CYP3A7: variants seen among roughly 807,000 people sequenced by gnomAD.
CYP3A7 encodes the protein cytochrome P450 3A7.
Under a neutral mutation model 55.2 loss-of-function variants are expected in CYP3A7, and 45 were observed. The observed-to-expected ratio is 0.82, with a 90% CI of 0.64 to 1.05. The LOEUF is 1.05. CYP3A7 is among the 50% of genes least tolerant of loss of function. The pLI, the probability that CYP3A7 is intolerant of heterozygous loss-of-function variation, is 0.00. For missense variants in CYP3A7, 548 were observed against 605.3 expected (o/e 0.91, Z 0.99); for synonymous variants, 180 against 207.4 (o/e 0.87, Z 1.13).
intron 2 of CYP3A7, among the ~76,000 whole-genome samples, chr7:99,725,309 C>G (rs1213465030): frequency 6.6e-6 from 1 of 152,112 alleles, no homozygotes; most frequent in Non-Finnish European, 1.5e-5. Context: ...AAAAAATCTC[C>G]AAAAATTGGA....
In CYP3A7 at chr7:99,735,133, T is replaced by C. The variant is rs111944950; in HGVS notation, c.-40A>G. 2 of 1,613,112 alleles carry C rather than the reference T, an allele frequency of 1.2e-6. No individual in the cohort carries two copies. Among genetic ancestry groups the C allele is most frequent in the South Asian group, 1.1e-5 (1 of 91,056 alleles). ...CTTATCTCTCTCCTCTGAGTCTTTT[T>C]TTCAGCAGCGTGCTGCTGTTTGCTG... is the stretch of plus-strand genomic sequence containing the variant. On this transcript the variant is annotated 5_prime_UTR_variant, in exon 1 of 13. Transcript: ENST00000336374.
intron 1 of CYP3A7, among the ~76,000 whole-genome samples, chr7:99,733,827 AG>A (rs1814722516): frequency 6.6e-6 from 1 of 152,214 alleles, no homozygotes; most frequent in Non-Finnish European, 1.5e-5. Flanking sequence ...TCTAGCCCTG[AG>A]AGTTTAGGAT....
At chr7:99,715,602 A>T in intron 7 of CYP3A7, 156 bp downstream of exon 7, 1 of 1,328,318 alleles carries the variant, frequency 7.5e-7, no homozygotes, top group Non-Finnish European at 1.0e-6. Context: ...GAAGTGTTTT[A>T]AAGTTTACAA....
intron 11 of CYP3A7, among the ~76,000 whole-genome samples, chr7:99,708,406 TTCTCC>T (rs536465696): frequency 9.1e-4 from 138 of 152,232 alleles, no homozygotes; most frequent in Non-Finnish European, 1.5e-3. Flanking sequence ...TGCACTTTCC[TTCTCC>T]TCTCGTCTCT....
At chr7:99,725,045 A>T (rs1814355526) in intron 2 of CYP3A7, among the ~76,000 whole-genome samples, 1 of 152,120 alleles carries the variant, frequency 6.6e-6, no homozygotes, top group Admixed American at 6.6e-5. Context: ...GCAGTACAAG[A>T]TGGACTCCCC....
chr7:99,714,365 A>G (rs1468457783), intron 8 of CYP3A7, among the ~76,000 whole-genome samples, 190 bp downstream of exon 8: 1 of 152,172 alleles, frequency 6.6e-6, no homozygotes, highest in African/African-American at 2.4e-5. Flanking sequence ...TCTCTGACTC[A>G]TTCTCATATC....
intron 10 of CYP3A7, among the ~76,000 whole-genome samples, chr7:99,709,607 T>A (rs1813667278): frequency 6.6e-6 from 1 of 152,076 alleles, no homozygotes; most frequent in African/African-American, 2.4e-5. Context: ...AAAGTGATTG[T>A]CACCATTCAA....
chr7:99,716,765 T>C (rs1813964698), intron 6 of CYP3A7, among the ~76,000 whole-genome samples: 1 of 152,188 alleles, frequency 6.6e-6, no homozygotes, highest in Non-Finnish European at 1.5e-5. Context: ...CATGAAATGA[T>C]CAAAGTTATT....
chr7:99,720,520 G>A (rs1307942133), intron 3 of CYP3A7, 108 bp from the exon 4 acceptor site: 4 of 1,197,110 alleles, frequency 3.3e-6, no homozygotes, highest in Admixed American at 1.8e-5. Context: ...TCCTCTAGAT[G>A]TACAATACAC....
rs1471943289 is a variant in CYP3A7 at position 99,731,124 on chromosome 7, T to TA, written c.99dup (p.Lys34Ter). On this transcript the variant is annotated frameshift_variant, in exon 2 of 13. Transcript: ENST00000336374. LOFTEE classifies it high-confidence loss of function. The stretch of plus-strand genomic sequence containing the variant: ...GTGGGCCCTGGAATTCCAAGCTTCT[T>TA]AAAAAGTCCATGTGTACGGGTTCCA... 12 of 1,613,840 alleles carry TA rather than the reference T, an allele frequency of 7.4e-6. No individual in the cohort carries two copies. Among genetic ancestry groups the TA allele is most frequent in the Non-Finnish European group, 1.0e-5 (12 of 1,179,822 alleles).
Position 99,709,259 on chromosome 7 carries a change from T to A in CYP3A7, c.1029A>T (p.Ala343=). ...GTAGCACAGTATCATAGGTGGGTGG[T>A]GCCTGAAAAGAAAGAAACAGATTTG... is the stretch of plus-strand genomic sequence containing the variant. ...KEIDTVLPNK[A]PPTYDTVLQL... The change falls in exon 11 of 13, where the codon GCA becomes GCT. Residue 343 remains alanine (A), a splice_region_variant and synonymous_variant. Transcript: ENST00000336374. 1 of 1,613,690 alleles carries A rather than the reference T, an allele frequency of 6.2e-7. No individual in the cohort carries two copies. The highest frequency in any genetic ancestry group is 8.5e-7 in the Non-Finnish European group (1 of 1,179,844).
chr7:99,710,927 G>C, intron 9 of CYP3A7, 35 bp from the exon 10 acceptor site: 1 of 1,613,142 alleles, frequency 6.2e-7, no homozygotes, highest in Non-Finnish European at 8.5e-7. Flanking sequence ...AGGTAAATCA[G>C]GTCAATGTAG....
At chr7:99,715,638 A>G in intron 7 of CYP3A7, 120 bp downstream of exon 7, 1 of 1,535,688 alleles carries the variant, frequency 6.5e-7, no homozygotes, top group Non-Finnish European at 9.0e-7. Flanking sequence ...ATATCTTCAA[A>G]TGTACTACAA....
chr7:99,722,633 T>C (rs930844878), intron 2 of CYP3A7, among the ~76,000 whole-genome samples: 4 of 152,242 alleles, frequency 2.6e-5, no homozygotes, highest in African/African-American at 7.2e-5. Flanking sequence ...TCTCTTTGCT[T>C]TTTCATGTGT....
chr7:99,715,256 A>G (rs913072378), intron 7 of CYP3A7: 5 of 178,128 alleles, frequency 2.8e-5, no homozygotes, highest in African/African-American at 1.2e-4. Flanking sequence ...CATGTTATTT[A>G]GCAAACAAGT....
chr7:99,729,203 T>C (rs1230575872), intron 2 of CYP3A7, among the ~76,000 whole-genome samples: 1 of 152,202 alleles, frequency 6.6e-6, no homozygotes, highest in East Asian at 1.9e-4. Flanking sequence ...GTGTCTTCAA[T>C]TGGTTTCTCA....
intron 10 of CYP3A7, 75 bp downstream of exon 10, chr7:99,710,657 T>C: frequency 1.9e-6 from 3 of 1,609,380 alleles, no homozygotes; most frequent in Admixed American, 3.4e-5. Flanking sequence ...ATAAAAATTC[T>C]CCTGGGAAGT....
chr7:99,720,471 A>C, intron 3 of CYP3A7, 59 bp from the exon 4 acceptor site: 1 of 1,596,568 alleles, frequency 6.3e-7, no homozygotes, highest in East Asian at 2.2e-5. Flanking sequence ...AGCTGGAGCC[A>C]AACCCAGGAA....
At chr7:99,707,382 C>T (rs1233307774) in intron 12 of CYP3A7, among the ~76,000 whole-genome samples, 4 of 152,136 alleles carry the variant, frequency 2.6e-5, no homozygotes, top group Admixed American at 1.3e-4. Flanking sequence ...TTTTAAAGCT[C>T]CCTGGTGATT....
Sources: allele counts gnomAD v4.1 joint callset (sites outside exome capture counted in the v4.1 genomes callset), GRCh38; gene constraint gnomAD v4.1.1; transcripts MANE v1.5; gene names NCBI Gene and HGNC (gene_info 2026-07-23, HGNC 2026-07-21).